TAFA1: variants seen among roughly 807,000 people sequenced by gnomAD.
The protein encoded by TAFA1 is chemokine-like protein TAFA-1.
Under a neutral mutation model 18.5 loss-of-function variants are expected in TAFA1, and 4 were observed. That is an observed-to-expected ratio of 0.22 (90% CI 0.11 to 0.49). The LOEUF (loss-of-function observed/expected upper bound fraction) is 0.49. Among genes scored for constraint, TAFA1 ranks in the 20% least tolerant of loss-of-function variants. The pLI is 0.98. For synonymous variants in TAFA1, 56 were observed against 55.2 expected, an observed-to-expected ratio of 1.01 and a Z score of -0.06; for missense variants, 147 against 169.0, an observed-to-expected ratio of 0.87 and a Z score of 0.72.
intron 2 of TAFA1, among the ~76,000 whole-genome samples, chr3:68,011,126 T>TG (rs1475077940): frequency 3.6e-4 from 11 of 30,326 alleles, no homozygotes; most frequent in Admixed American, 2.5e-3. Flanking sequence ...AATGTGTGTG[T>TG]GTGGGGGGTG....
At chr3:68,278,229 C>A (rs2067831066) in intron 2 of TAFA1, among the ~76,000 whole-genome samples, 1 of 152,048 alleles carries the variant, frequency 6.6e-6, no homozygotes, top group South Asian at 2.1e-4. Context: ...TCTTAAAAGA[C>A]TGGTAATGTT....
chr3:68,458,740 A>G (rs1311114421), intron 3 of TAFA1, among the ~76,000 whole-genome samples: 1 of 152,242 alleles, frequency 6.6e-6, no homozygotes, highest in East Asian at 1.9e-4. Flanking sequence ...TGCTGGGGAA[A>G]CAATCTTTCA....
At chr3:68,011,528 T>C (rs1432377927) in intron 2 of TAFA1, among the ~76,000 whole-genome samples, 18 of 152,246 alleles carry the variant, frequency 1.2e-4, no homozygotes, top group Admixed American at 1.2e-3. Flanking sequence ...GCCTTATACT[T>C]ATTTTTACCT....
chr3:68,247,134 C>T (rs1266951968), intron 2 of TAFA1, among the ~76,000 whole-genome samples: 1 of 152,120 alleles, frequency 6.6e-6, no homozygotes, highest in Non-Finnish European at 1.5e-5. Flanking sequence ...TCTCTTCCTC[C>T]TTCCCTGGAT....
At chr3:68,135,942 T>A (rs1002408096) in intron 2 of TAFA1, among the ~76,000 whole-genome samples, 1 of 152,204 alleles carries the variant, frequency 6.6e-6, no homozygotes, top group African/African-American at 2.4e-5. Flanking sequence ...TGAAGTCTAA[T>A]GAACAAGCCT....
intron 2 of TAFA1, among the ~76,000 whole-genome samples, chr3:68,389,018 G>A (rs1013146242): frequency 2.6e-5 from 4 of 152,092 alleles, no homozygotes; most frequent in Admixed American, 6.6e-5. Context: ...CTGGGTTAAA[G>A]GTCACATTAC....
chr3:68,431,017 C>G (rs926759804), intron 3 of TAFA1, among the ~76,000 whole-genome samples: 1 of 152,028 alleles, frequency 6.6e-6, no homozygotes, highest in African/African-American at 2.4e-5. Context: ...TCCTGATTGG[C>G]ACTTAAGTTA....
At chr3:68,035,971 T>A (rs977799729) in intron 2 of TAFA1, among the ~76,000 whole-genome samples, 1 of 152,118 alleles carries the variant, frequency 6.6e-6, no homozygotes, top group Non-Finnish European at 1.5e-5. Flanking sequence ...AAAAAAGGGA[T>A]AGAAAACTGA....
rs186406681 is a variant in TAFA1, at chr3:68,031,247, G to C, written c.118+24503G>C. On this transcript the variant is annotated intron_variant, in intron 2 of 4. Coordinates refer to ENST00000478136, the MANE Select transcript of TAFA1 (RefSeq NM_213609.4). Reference sequence around the variant, plus strand: ...AAGATAAATATTCAGTATGGATTGGGGCCTGAATTTATTTGTATTGAGAAA... The same window carrying C: ...AAGATAAATATTCAGTATGGATTGGCGCCTGAATTTATTTGTATTGAGAAA... Among the ~76,000 whole-genome samples, 21 of 152,126 alleles carry C rather than the reference G, an allele frequency of 1.4e-4. 1 individual carries two copies. The highest frequency in any genetic ancestry group is 2.0e-4 in the Admixed American group (3 of 15,268).
chr3:68,470,012 T>A (rs1018493135), intron 3 of TAFA1, among the ~76,000 whole-genome samples: 1 of 152,212 alleles, frequency 6.6e-6, no homozygotes, highest in Non-Finnish European at 1.5e-5. Context: ...AAATCTCACC[T>A]TGAATTATAA....
chr3:68,216,507 G>C (rs554816357), intron 2 of TAFA1, among the ~76,000 whole-genome samples: 30 of 152,070 alleles, frequency 2.0e-4, no homozygotes, highest in Admixed American at 6.6e-5. Context: ...CTGAGATTGG[G>C]TTGATAAAGT....
At position 68,150,981 on chromosome 3, in the gene TAFA1, CACTAGAA is replaced by C. The variant is rs549911547; in HGVS notation, c.118+144249_118+144255del. On this transcript the variant is annotated intron_variant, in intron 2 of 4. Coordinates refer to ENST00000478136, the MANE Select transcript of TAFA1 (RefSeq NM_213609.4). ...TTGGCTTTATTTTCCTCAATTTATA[CACTAGAA>C]ACTAGAAACTAAAAAACTAAGTGAC... is the stretch of plus-strand genomic sequence containing the variant. Among the ~76,000 whole-genome samples, 89 of 152,074 alleles carry C rather than the reference CACTAGAA, an allele frequency of 5.9e-4. 1 individual carries two copies. Among genetic ancestry groups the C allele is most frequent in the Middle Eastern group, 3.4e-3 (1 of 294 alleles).
intron 2 of TAFA1, among the ~76,000 whole-genome samples, chr3:68,326,098 G>C (rs1054987116): frequency 5.9e-5 from 9 of 152,100 alleles, no homozygotes; most frequent in African/African-American, 1.9e-4. Flanking sequence ...GAAATATTAG[G>C]ACTTCTTGGA....
At chr3:68,370,458 G>A (rs1377523630) in intron 2 of TAFA1, among the ~76,000 whole-genome samples, 2 of 11,752 alleles carry the variant, frequency 1.7e-4, no homozygotes, top group African/African-American at 3.5e-4. Flanking sequence ...ATATATATGT[G>A]TGTGTGTGTG....
chr3:68,037,869 C>T (rs1438891741), intron 2 of TAFA1, among the ~76,000 whole-genome samples: 1 of 152,136 alleles, frequency 6.6e-6, no homozygotes, highest in Non-Finnish European at 1.5e-5. Context: ...ATTTTCACGG[C>T]ATGCCATTTT....
At chr3:68,047,092 A>G (rs935074632) in intron 2 of TAFA1, among the ~76,000 whole-genome samples, 4 of 152,170 alleles carry the variant, frequency 2.6e-5, no homozygotes, top group Non-Finnish European at 4.4e-5. Context: ...TATCTGCTCA[A>G]CTGTTCTCAT....
intron 2 of TAFA1, among the ~76,000 whole-genome samples, chr3:68,123,561 C>T (rs984121567): frequency 2.0e-5 from 3 of 152,086 alleles, no homozygotes; most frequent in East Asian, 3.9e-4. Context: ...TTTCACTTTT[C>T]TGAAAAGAGA....
intron 2 of TAFA1, among the ~76,000 whole-genome samples, chr3:68,009,493 C>G (rs2106773945): frequency 6.6e-6 from 1 of 152,282 alleles, no homozygotes; most frequent in East Asian, 1.9e-4. Flanking sequence ...CCCCAAGAAA[C>G]TGCAGCACTG....
intron 3 of TAFA1, among the ~76,000 whole-genome samples, chr3:68,446,667 G>A (rs1195689279): frequency 6.6e-6 from 1 of 152,120 alleles, no homozygotes; most frequent in Non-Finnish European, 1.5e-5. Flanking sequence ...CAAACTTATG[G>A]CTTCTAGAAA....
Sources: gnomAD v4.1 joint callset for allele counts (sites outside exome capture counted in the v4.1 genomes callset) on GRCh38, gnomAD v4.1.1 for gene constraint, MANE v1.5 for transcripts, NCBI Gene and HGNC (gene_info 2026-07-23, HGNC 2026-07-21) for gene names.